The following BBS4 variants were observed in gnomAD, a reference collection of about 807,000 sequenced individuals.
BBS4 encodes the protein Bardet-Biedl syndrome 4.
Under a neutral mutation model 71.4 loss-of-function variants are expected in BBS4, and 58 were observed. That is an observed-to-expected ratio of 0.81 (90% CI 0.66 to 1.01). BBS4 has a LOEUF of 1.01. Ranked by LOEUF, BBS4 falls within the 50% of genes least tolerant of loss-of-function variation. The pLI is 0.00. For missense variants in BBS4, 660 were observed against 607.9 expected, an observed-to-expected ratio of 1.09 and a Z score of -0.90; for synonymous variants, 228 against 216.8, an observed-to-expected ratio of 1.05 and a Z score of -0.46.
intron 2 of BBS4, among the ~76,000 whole-genome samples, chr15:72,700,581 T>C (rs2065153004): frequency 1.3e-5 from 2 of 152,222 alleles, no homozygotes; most frequent in Non-Finnish European, 2.9e-5. Flanking sequence ...GTCATATCTT[T>C]TGTGTAGTGT....
intron 2 of BBS4, among the ~76,000 whole-genome samples, chr15:72,702,832 G>A (rs2065196238): frequency 1.9e-5 from 1 of 52,398 alleles, no homozygotes; most frequent in African/African-American, 4.9e-5. Flanking sequence ...TTTTGAGACG[G>A]AGTCTCGCTC....
intron 8 of BBS4, among the ~76,000 whole-genome samples, chr15:72,726,804 T>C (rs2151039570): frequency 6.6e-6 from 1 of 152,356 alleles, no homozygotes; most frequent in Middle Eastern, 3.4e-3. Flanking sequence ...CCCTGCCTTC[T>C]AGAGGTTAGC....
chr15:72,738,256 G>A lies in BBS4; in HGVS notation c.*669G>A. On this transcript the variant is annotated 3_prime_UTR_variant, in exon 16 of 16. Coordinates refer to ENST00000268057, the MANE Select transcript of BBS4 (RefSeq NM_033028.5). ...TCAGGATGAGGAGCAGCAGCCCAGG[G>A]CTTGTCTGGATCAGCACCAACGATT... is the stretch of plus-strand genomic sequence containing the variant. 1 of 453,992 alleles carries A rather than the reference G, an allele frequency of 2.2e-6. No individual in the cohort carries two copies. 28.1% of individuals were successfully genotyped at this position (453,992 alleles called of 1,614,324 possible).
intron 3 of BBS4, among the ~76,000 whole-genome samples, chr15:72,711,394 C>T (rs1555499332): frequency 6.6e-6 from 1 of 152,018 alleles, no homozygotes; most frequent in Non-Finnish European, 1.5e-5. Context: ...GGTGATCTGC[C>T]CGCTTCGGCC....
At chr15:72,718,602 G>C (rs1181832325) in intron 6 of BBS4, among the ~76,000 whole-genome samples, 1 of 152,180 alleles carries the variant, frequency 6.6e-6, no homozygotes, top group Non-Finnish European at 1.5e-5. Flanking sequence ...TTTATGCCAT[G>C]GAGTATGTTA....
At chr15:72,734,948 T>C (rs2065891415) in intron 12 of BBS4, 165 bp from the exon 13 acceptor site, 1 of 648,008 alleles carries the variant, frequency 1.5e-6, no homozygotes, top group Non-Finnish European at 2.9e-6. Context: ...TGGCAACTGA[T>C]TGACTGTAGA....
intron 3 of BBS4, 139 bp downstream of exon 3, chr15:72,709,918 T>C: frequency 2.7e-6 from 2 of 753,442 alleles, no homozygotes; most frequent in Non-Finnish European, 2.3e-6. Flanking sequence ...CATACACTGG[T>C]TATCTTTTGC....
Position 72,728,008 on chromosome 15 carries a change from T to C in BBS4, c.642+14T>C. 1.3e-6 allele frequency: 2 copies of C among 1,597,464 alleles called. No individual in the cohort carries two copies. The highest frequency in any genetic ancestry group is 1.7e-6 in the Non-Finnish European group (2 of 1,164,818). On this transcript the variant is annotated intron_variant, in intron 9 of 15. Transcript: ENST00000268057. The stretch of plus-strand genomic sequence containing the variant: ...CTCTACTTACAGGTAATGAAAACTC[T>C]GTACTCATTCATGCACTGATGTTAG...
At chr15:72,695,294 T>C in intron 2 of BBS4, 66 bp downstream of exon 2, 3 of 1,213,582 alleles carry the variant, frequency 2.5e-6, no homozygotes, top group Non-Finnish European at 3.5e-6. Flanking sequence ...TTTATTTATT[T>C]ATTTTTTTTT....
chr15:72,695,163 T>A lies in BBS4; in HGVS notation c.25-14T>A. On this transcript the variant is annotated splice_polypyrimidine_tract_variant and intron_variant, in intron 1 of 15. Transcript: ENST00000268057. ...ATTGTGGTGCTTCAATATAGACTAC[T>A]TATTTCATTTCAGAGAACTCAATTT... 6.3e-7 allele frequency: 1 copy of A among 1,594,046 alleles called. No homozygotes were observed. Among genetic ancestry groups the A allele is most frequent in the Non-Finnish European group, 8.6e-7 (1 of 1,162,724 alleles).
At chr15:72,715,863 T>G (rs1010341794) in intron 5 of BBS4, among the ~76,000 whole-genome samples, 7 of 152,244 alleles carry the variant, frequency 4.6e-5, no homozygotes, top group Admixed American at 6.5e-5. Flanking sequence ...CAGTAGAAAC[T>G]GTACTTCAAG....
At chr15:72,735,304 A>C (rs932607660) in intron 13 of BBS4, 122 bp downstream of exon 13, 2 of 754,096 alleles carry the variant, frequency 2.7e-6, no homozygotes, top group African/African-American at 3.5e-5. Flanking sequence ...GCATTAGTAC[A>C]TAGCAGACCT....
intron 1 of BBS4, among the ~76,000 whole-genome samples, chr15:72,692,829 C>T (rs1359590524): frequency 1.3e-5 from 2 of 151,596 alleles, no homozygotes; most frequent in Non-Finnish European, 1.5e-5. Context: ...AATTTCTAGG[C>T]TCGTGTGATC....
chr15:72,699,437 T>C (rs2065133564), intron 2 of BBS4, among the ~76,000 whole-genome samples: 1 of 152,196 alleles, frequency 6.6e-6, no homozygotes. Context: ...AAATGGAAGG[T>C]AGTATATATC....
intron 6 of BBS4, among the ~76,000 whole-genome samples, chr15:72,722,140 C>G (rs2065587539): frequency 6.6e-6 from 1 of 152,138 alleles, no homozygotes; most frequent in Non-Finnish European, 1.5e-5. Flanking sequence ...TGTCTGTGTT[C>G]CAATGAATCT....
intron 2 of BBS4, chr15:72,704,459 A>G (rs1050752119): frequency 2.2e-5 from 28 of 1,287,826 alleles, no homozygotes; most frequent in Non-Finnish European, 2.8e-5. Context: ...GGAATACCAG[A>G]AATTCAACTT....
chr15:72,727,379 TTAC>T (rs2065722844), intron 8 of BBS4, among the ~76,000 whole-genome samples: 1 of 152,194 alleles, frequency 6.6e-6, no homozygotes. Flanking sequence ...ACATCAGTGT[TTAC>T]TCCCAAAGGT....
At chr15:72,718,808 A>C (rs1435294025) in intron 6 of BBS4, among the ~76,000 whole-genome samples, 1 of 152,202 alleles carries the variant, frequency 6.6e-6, no homozygotes, top group Non-Finnish European at 1.5e-5. Flanking sequence ...GTTTGGAAGA[A>C]GGTGATGGTA....
intron 2 of BBS4, 43 bp downstream of exon 2, chr15:72,695,271 G>T: frequency 1.5e-6 from 2 of 1,294,040 alleles, no homozygotes; most frequent in Non-Finnish European, 1.1e-6. Flanking sequence ...TGCACAGACA[G>T]ATTTCTCTTT....
Sources: gnomAD v4.1 joint callset for allele counts (sites outside exome capture counted in the v4.1 genomes callset) on GRCh38, gnomAD v4.1.1 for gene constraint, MANE v1.5 for transcripts, NCBI Gene and HGNC (gene_info 2026-07-23, HGNC 2026-07-21) for gene names.